The following ANO8 variants were observed in gnomAD, a reference collection of about 807,000 sequenced individuals.
ANO8 encodes the protein anoctamin 8.
ANO8 carries 67 observed loss-of-function variants against 120.4 expected under a neutral mutation model. That is an observed-to-expected ratio of 0.56 (90% CI 0.46 to 0.68). The LOEUF is 0.68. Ranked by LOEUF, ANO8 falls within the 30% of genes least tolerant of loss-of-function variation. The pLI is 0.00. For missense variants in ANO8, 1,526 were observed against 1,737.6 expected (o/e 0.88, Z 2.16); for synonymous variants, 727 against 759.2 (o/e 0.96, Z 0.70).
At chr19:17,327,014 A>G (rs1224601261) in intron 16 of ANO8, among the ~76,000 whole-genome samples, 1 of 152,186 alleles carries the variant, frequency 6.6e-6, no homozygotes, top group Non-Finnish European at 1.5e-5. Flanking sequence ...AGCTAGCTGC[A>G]GCCTCAAACT....
Position 17,329,660 on chromosome 19 carries a change from G to A in ANO8, c.1404+97C>T, listed in dbSNP as rs1175098034. 4 of 856,566 alleles carry A rather than the reference G, an allele frequency of 4.7e-6. No homozygotes were observed. The African/African-American group carries it at 5.1e-5, about 11-fold the overall frequency. The allele number at this position is 856,566 out of a possible 1,614,324, so 53.1% of individuals were successfully genotyped here. On this transcript the variant is annotated intron_variant, in intron 12 of 17. Transcript: ENST00000159087. ...GGAGAGAAGGATGGAGGAGGGGAGG[G>A]AGGGGCTGGAGAGCCCTTGGACCCC...
chr19:17,334,692 G>A lies in ANO8; in HGVS notation c.-22C>T, dbSNP rs1408620568. On this transcript the variant is annotated 5_prime_UTR_variant, in exon 1 of 18. Coordinates refer to ENST00000159087, the MANE Select transcript of ANO8 (RefSeq NM_020959.3). Reference sequence around the variant, plus strand: ...CCATGGCGAGGACAGGTCAGGTCAGGGGCTACGGACGGCCCGGGCGACGGG... The same window carrying A: ...CCATGGCGAGGACAGGTCAGGTCAGAGGCTACGGACGGCCCGGGCGACGGG... The A allele has an allele frequency of 2.9e-6, 4 of 1,377,656 alleles. No individual in the cohort carries two copies. In the East Asian group the frequency reaches 9.1e-5, roughly 31 times the overall value. 85.3% of individuals were successfully genotyped at this position (1,377,656 alleles called of 1,614,324 possible).
In ANO8 at chr19:17,323,826, G is replaced by A. The variant is rs1389972405; in HGVS notation, c.3390C>T (p.Pro1130=). ...GCAGCGGCATTGGCGGCGGCGGCGC[G>A]GGGCTCCGGCTGCGGCGGGTGCGGA... ...PALRTRRSRS[P]APPPPMPLPR... is the part of the protein sequence containing the mutation. Residue 1130 remains proline (P), a synonymous_variant, in exon 18 of 18, where the codon CCC becomes CCT. Coordinates refer to ENST00000159087, the MANE Select transcript of ANO8 (RefSeq NM_020959.3). 9.7e-6 allele frequency: 11 copies of A among 1,134,886 alleles called. No homozygotes were observed. Among genetic ancestry groups the A allele is most frequent in the Middle Eastern group, 3.7e-4 (1 of 2,700 alleles). 70.3% of individuals were successfully genotyped at this position (1,134,886 alleles called of 1,614,324 possible).
Position 17,333,131 on chromosome 19 carries a change from C to T in ANO8, c.459G>A (p.Val153=), listed in dbSNP as rs2074331787. 1.2e-6 allele frequency: 2 copies of T among 1,614,144 alleles called. No individual in the cohort carries two copies. The highest frequency in any genetic ancestry group is 1.7e-6 in the Non-Finnish European group (2 of 1,180,022). The change falls in exon 4 of 18, where the codon GTG becomes GTA. Residue 153 remains valine (V), a synonymous_variant. Coordinates refer to ENST00000159087, the MANE Select transcript of ANO8 (RefSeq NM_020959.3). The surrounding 1 kb of genome is among the most constrained non-coding windows in gnomAD (Gnocchi z 7.2). ...AGGTGAAGAAGCGTAGCTCGCTCTC[C>T]ACATTCTCATAGATAAAGTCCTCCT... ...SCEEDFIYEN[V]ESELRFFTSQ...
In ANO8 at chr19:17,333,509, C is replaced by A; in HGVS notation, c.263G>T (p.Arg88Leu). The A allele has an allele frequency of 6.2e-7, 1 of 1,613,018 alleles. No individual in the cohort carries two copies. Among genetic ancestry groups the A allele is most frequent in the Non-Finnish European group, 8.5e-7 (1 of 1,179,988 alleles). The change falls in exon 3 of 18, where the codon CGC becomes CTC. Residue 88 changes from arginine (R) to leucine (L), a missense_variant. Physicochemically the swap from Arg to Leu is moderately radical, Grantham distance 102 (BLOSUM62 -2). Coordinates refer to ENST00000159087, the MANE Select transcript of ANO8 (RefSeq NM_020959.3). This position sits in a 1 kb window ranked among gnomAD's most constrained non-coding sequence, Gnocchi z 7.2. ...HTLLWLLNHIRVGIPELIVQV... is the reference protein window; with the variant it reads ...HTLLWLLNHILVGIPELIVQV... Reference sequence around the variant, plus strand: ...CACGATGAGCTCGGGAATGCCCACGCGGATGTGGTTCAGCAGCCATAGCAG... The same window carrying A: ...CACGATGAGCTCGGGAATGCCCACGAGGATGTGGTTCAGCAGCCATAGCAG...
In ANO8 at chr19:17,333,221, G is replaced by T. The variant is rs372327653; in HGVS notation, c.369C>A (p.Asp123Glu). 3.1e-6 allele frequency: 5 copies of T among 1,610,078 alleles called. No individual in the cohort carries two copies. In the South Asian group the frequency reaches 3.3e-5, roughly 11 times the overall value. The stretch of plus-strand genomic sequence containing the variant: ...TCACTGCTTTGCGCAGACCCAGCTC[G>T]TCGGCCCCTCGGAGTAGGCTGTGAA... ...ATYESLLRGA[D>E]ELGLRKAVKA... Residue 123 changes from aspartate (D) to glutamate (E), a missense_variant, in exon 4 of 18, where the codon GAC (aspartate) becomes GAA (glutamate). Asp to Glu is a conservative substitution (Grantham distance 45). Coordinates refer to ENST00000159087, the MANE Select transcript of ANO8 (RefSeq NM_020959.3). This position sits in a 1 kb window ranked among gnomAD's most constrained non-coding sequence, Gnocchi z 7.2.
intron 5 of ANO8, 50 bp from the exon 6 acceptor site, chr19:17,331,461 C>A: frequency 1.9e-6 from 3 of 1,550,120 alleles, no homozygotes; most frequent in Non-Finnish European, 2.7e-6. Flanking sequence ...CTGTGCCTAG[C>A]CTGGCTAGCC....
At chr19:17,328,110 G>A in intron 13 of ANO8, 52 bp downstream of exon 13, 1 of 1,469,762 alleles carries the variant, frequency 6.8e-7, no homozygotes, top group South Asian at 1.4e-5. Flanking sequence ...CGGACGGTGT[G>A]TCCCGTCCCC....
chr19:17,329,920 C>T, intron 11 of ANO8, 39 bp downstream of exon 11: 19 of 1,614,004 alleles, frequency 1.2e-5, no homozygotes, highest in Non-Finnish European at 1.5e-5. Context: ...GGCACAGCTT[C>T]CCCGTTGTCC....
In ANO8 at chr19:17,325,034, G is replaced by T; in HGVS notation, c.3014C>A (p.Thr1005Asn). ...SSLAAAGAGA[T>N]TRPPPAQSPT... is the part of the protein sequence containing the mutation. The stretch of plus-strand genomic sequence containing the variant: ...TGACTGGGCAGGGGGAGGCCGGGTG[G>T]TGGCTCCGGCCCCTGCAGCAGCCAG... Residue 1005 changes from threonine to asparagine, a missense_variant, in exon 17 of 18, where the codon ACC (threonine) becomes AAC (asparagine). Thr to Asn is a moderately conservative substitution (Grantham distance 65). This residue lies in a region of ANO8 where 489 missense variants were observed against 548.6 expected (regional missense o/e 0.89). Transcript: ENST00000159087. 2 of 1,613,000 alleles carry T rather than the reference G, an allele frequency of 1.2e-6. No homozygotes were observed. Among genetic ancestry groups the T allele is most frequent in the Non-Finnish European group, 1.7e-6 (2 of 1,179,864 alleles).
chr19:17,334,439 G>A, intron 1 of ANO8, 126 bp downstream of exon 1: 5 of 877,652 alleles, frequency 5.7e-6, no homozygotes, highest in Non-Finnish European at 8.5e-6. Flanking sequence ...GCAGTGCCGG[G>A]AGGAGCCGGC....
chr19:17,324,754 C>T lies in ANO8; in HGVS notation c.3294G>A (p.Glu1098=). Residue 1098 remains glutamate, a synonymous_variant, in exon 17 of 18, where the codon GAG becomes GAA. Coordinates refer to ENST00000159087, the MANE Select transcript of ANO8 (RefSeq NM_020959.3). ...RSGPVDEALA[E]ELEAPRPEEE... is the part of the protein sequence containing the mutation. ...CTTCGGGCCGGGGGGCTTCCAGCTCCTCAGCCAGGGCCTCGTCCACCGGCC... is the reference window on the plus strand; with the variant it reads ...CTTCGGGCCGGGGGGCTTCCAGCTCTTCAGCCAGGGCCTCGTCCACCGGCC... 6.5e-7 allele frequency: 1 copy of T among 1,535,184 alleles called. No homozygotes were observed. Among genetic ancestry groups the T allele is most frequent in the Non-Finnish European group, 8.7e-7 (1 of 1,143,798 alleles).
chr19:17,328,492 G>C lies in ANO8; in HGVS notation c.1896C>G (p.Ser632Arg), dbSNP rs1466079385. 1.3e-6 allele frequency: 2 copies of C among 1,558,654 alleles called. No homozygotes were observed. ...TCCCTTCCTCCAGGAGGGCCTCCGG[G>C]CTTGGGCCGGGCCGACGCCGCCCCG... ...RGAGRRRPGP[S>R]PEALLEEGSP... is the part of the protein sequence containing the mutation. The change falls in exon 13 of 18, where the codon AGC becomes AGG. Residue 632 changes from serine (S) to arginine (R), a missense_variant. Transcript: ENST00000159087.
At chr19:17,329,192 C>G in intron 12 of ANO8, 1 of 488,894 alleles carries the variant, frequency 2.0e-6, no homozygotes, top group Non-Finnish European at 3.6e-6. Flanking sequence ...CAGCGCTCCT[C>G]GCCCACCTCA....
chr19:17,332,549 C>G (rs979592449), intron 5 of ANO8, among the ~76,000 whole-genome samples: 9 of 152,130 alleles, frequency 5.9e-5, no homozygotes, highest in African/African-American at 2.2e-4. Context: ...GGAGTGCTGT[C>G]CATGGTTCCT....
At position 17,324,784 on chromosome 19, in the gene ANO8, C is replaced by T. The variant is rs2074262171; in HGVS notation, c.3264G>A (p.Arg1088=). 2.5e-6 allele frequency: 4 copies of T among 1,583,088 alleles called. No homozygotes were observed. Among genetic ancestry groups the T allele is most frequent in the South Asian group, 1.2e-5 (1 of 86,676 alleles). The change falls in exon 17 of 18, where the codon AGG becomes AGA. Residue 1088 remains arginine, a synonymous_variant. Coordinates refer to ENST00000159087, the MANE Select transcript of ANO8 (RefSeq NM_020959.3). ...CCAGGGCCTCGTCCACCGGCCCACTCCTCTGAACCCGGCTGCTGCCACTGC... is the reference window on the plus strand; with the variant it reads ...CCAGGGCCTCGTCCACCGGCCCACTTCTCTGAACCCGGCTGCTGCCACTGC... ...TPSSGSSRVQ[R]SGPVDEALAE... is the part of the protein sequence containing the mutation.
chr19:17,333,781 C>A lies in ANO8; in HGVS notation c.126G>T (p.Arg42=). Residue 42 remains arginine, a synonymous_variant, in exon 2 of 18, where the codon CGG becomes CGT. Coordinates refer to ENST00000159087, the MANE Select transcript of ANO8 (RefSeq NM_020959.3). This position sits in a 1 kb window ranked among gnomAD's most constrained non-coding sequence, Gnocchi z 7.2. ...CCAGGTAGCGACCAGCCTGCAGGAG[C>A]CGCTTTCCGAAAAGCTTATCTAGGG... The part of the protein sequence containing the change: ...SGVLDKLFGK[R]LLQAGRYLVS... 2 of 1,602,282 alleles carry A rather than the reference C, an allele frequency of 1.2e-6. No individual in the cohort carries two copies. The highest frequency in any genetic ancestry group is 1.1e-5 in the South Asian group (1 of 88,992).
At position 17,330,137 on chromosome 19, in the gene ANO8, G is replaced by A. The variant is rs754369868; in HGVS notation, c.1261C>T (p.Leu421Phe). The change falls in exon 10 of 18, where the codon CTC becomes TTC. Residue 421 changes from leucine (L) to phenylalanine (F), a missense_variant. Coordinates refer to ENST00000159087, the MANE Select transcript of ANO8 (RefSeq NM_020959.3). ...TGGCAGGTCGTACCCATGTCATTGAGCCAGATGGCTAGCTTCTTGTAGCCC... is the reference window on the plus strand; with the variant it reads ...TGGCAGGTCGTACCCATGTCATTGAACCAGATGGCTAGCTTCTTGTAGCCC... ...AEGYKKLAIW[L>F]NDMENYRLES... is the part of the protein sequence containing the mutation. 6.2e-7 allele frequency: 1 copy of A among 1,613,972 alleles called. No homozygotes were observed. Among genetic ancestry groups the A allele is most frequent in the African/African-American group, 1.3e-5 (1 of 74,912 alleles).
rs955291648 is a variant in ANO8 at position 17,334,703 on chromosome 19, G to A, written c.-33C>T. The A allele has an allele frequency of 1.9e-4, 262 of 1,346,758 alleles. No homozygotes were observed. Among genetic ancestry groups the A allele is most frequent in the Non-Finnish European group, 2.2e-4 (236 of 1,052,334 alleles). 83.4% of individuals were successfully genotyped at this position (1,346,758 alleles called of 1,614,324 possible). On this transcript the variant is annotated 5_prime_UTR_variant, in exon 1 of 18. Transcript: ENST00000159087. ...ACAGGTCAGGTCAGGGGCTACGGAC[G>A]GCCCGGGCGACGGGGAGCCGCGGGC...
Sources: allele counts gnomAD v4.1 joint callset (sites outside exome capture counted in the v4.1 genomes callset), GRCh38; gene constraint gnomAD v4.1.1; regional missense constraint gnomAD v4.1.1; non-coding constraint Gnocchi (gnomAD v3.1); transcripts MANE v1.5; gene names NCBI Gene and HGNC (gene_info 2026-07-23, HGNC 2026-07-21).